The following KAZN variants were observed in gnomAD, a reference collection of about 807,000 sequenced individuals.
KAZN encodes kazrin.
A neutral mutation model predicts 87.4 loss-of-function variants in KAZN; 40 were observed. That is an observed-to-expected ratio of 0.46 (90% CI 0.36 to 0.60). The LOEUF (loss-of-function observed/expected upper bound fraction) is 0.60, where lower values mean the gene tolerates loss of function less well. KAZN is among the 20% of genes least tolerant of loss of function. KAZN has a pLI of 0.00. For missense variants in KAZN, 898 were observed against 1,073.9 expected (o/e 0.84, Z 2.29); for synonymous variants, 466 against 458.3 (o/e 1.02, Z -0.22).
intron 1 of KAZN, among the ~76,000 whole-genome samples, chr1:14,665,291 C>CTTT (rs36089759): frequency 3.4e-5 from 5 of 147,834 alleles, no homozygotes; most frequent in African/African-American, 7.4e-5. Flanking sequence ...GTGGCTGCCT[C>CTTT]TTTTTTTTTT....
At chr1:14,943,053 G>GGA (rs1661318909) in intron 1 of KAZN, among the ~76,000 whole-genome samples, 1 of 117,118 alleles carries the variant, frequency 8.5e-6, no homozygotes, top group African/African-American at 4.3e-5. Flanking sequence ...TGTGTGTGTT[G>GGA]GGGAGGAGAG....
chr1:15,024,513 C>G (rs1241168368), intron 2 of KAZN, among the ~76,000 whole-genome samples: 1 of 152,206 alleles, frequency 6.6e-6, no homozygotes, highest in African/African-American at 2.4e-5. Flanking sequence ...TTGCATGTTC[C>G]AATGATGCTG....
At chr1:14,930,215 G>A (rs572488324) in intron 1 of KAZN, among the ~76,000 whole-genome samples, 40 of 152,252 alleles carry the variant, frequency 2.6e-4, no homozygotes, top group Middle Eastern at 3.4e-3. Context: ...GTAATCTGCC[G>A]GTGCCCGTGG....
Position 14,820,454 on chromosome 1 carries a change from C to T in KAZN, c.227-140230C>T, listed in dbSNP as rs181399828. ...CAAATGGGATGTGTCCCACTGCCCCCGTTTGGTGCCACAGTTGGGTTTATT... is the reference window on the plus strand; with the variant it reads ...CAAATGGGATGTGTCCCACTGCCCCTGTTTGGTGCCACAGTTGGGTTTATT... On this transcript the variant is annotated intron_variant, in intron 1 of 14. Coordinates refer to ENST00000376030, the MANE Select transcript of KAZN (RefSeq NM_201628.3). This position sits in a 1 kb window ranked among gnomAD's most constrained non-coding sequence, Gnocchi z 4.1. Among the ~76,000 whole-genome samples the T allele has an allele frequency of 3.3e-5, 5 of 152,360 alleles. No individual in the cohort carries two copies. Among genetic ancestry groups the T allele is most frequent in the South Asian group, 2.1e-4 (1 of 4,832 alleles).
At chr1:14,753,604 TA>T (rs1256499012) in intron 1 of KAZN, among the ~76,000 whole-genome samples, 1 of 151,716 alleles carries the variant, frequency 6.6e-6, no homozygotes, top group Non-Finnish European at 1.5e-5. Flanking sequence ...TAAAATAAAA[TA>T]AAACACAGGA....
chr1:14,977,214 G>A (rs530405455), intron 2 of KAZN, among the ~76,000 whole-genome samples: 87 of 152,346 alleles, frequency 5.7e-4, no homozygotes, highest in African/African-American at 2.0e-3. Context: ...GACGGTGTCT[G>A]TCTCTGTCCT....
chr1:14,348,447 C>T (rs958245477), intron 2 of KAZN, among the ~76,000 whole-genome samples: 4 of 152,146 alleles, frequency 2.6e-5, no homozygotes, highest in Non-Finnish European at 5.9e-5. Context: ...GAGCCAAAGC[C>T]CTATTTATAA....
chr1:14,551,924 T>C (rs1673548873), intron 2 of KAZN, among the ~76,000 whole-genome samples: 1 of 152,182 alleles, frequency 6.6e-6, no homozygotes, highest in South Asian at 2.1e-4. Flanking sequence ...TCATGTACTC[T>C]TCTCTACTCA....
At chr1:14,581,609 G>C (rs1308776902) in intron 2 of KAZN, among the ~76,000 whole-genome samples, 1 of 152,074 alleles carries the variant, frequency 6.6e-6, no homozygotes, top group Non-Finnish European at 1.5e-5. Context: ...CAGAATAAGA[G>C]CCAAAGTCCC....
At chr1:14,064,831 G>A (rs965676365) in intron 1 of KAZN, among the ~76,000 whole-genome samples, 1 of 152,200 alleles carries the variant, frequency 6.6e-6, no homozygotes, top group African/African-American at 2.4e-5. Flanking sequence ...TGGACATCCT[G>A]AGTCAGTGGA....
chr1:14,957,140 G>T (rs766238519), intron 1 of KAZN, among the ~76,000 whole-genome samples: 1 of 152,170 alleles, frequency 6.6e-6, no homozygotes, highest in Non-Finnish European at 1.5e-5. Context: ...GGCCTGGAAT[G>T]TAGGTGGGCC....
chr1:14,126,845 C>G (rs1644881901), intron 1 of KAZN, among the ~76,000 whole-genome samples: 1 of 152,154 alleles, frequency 6.6e-6, no homozygotes, highest in African/African-American at 2.4e-5. Context: ...GTGGGTCACG[C>G]CTGTAATCCC....
Position 14,150,388 on chromosome 1 carries a change from A to G in KAZN, c.92-30047A>G, listed in dbSNP as rs1049169867. Among the ~76,000 whole-genome samples, 4 of 152,204 alleles carry G rather than the reference A, an allele frequency of 2.6e-5. No homozygotes were observed. In the East Asian group the frequency reaches 5.8e-4, roughly 22 times the overall value. Reference sequence around the variant, plus strand: ...TACCCCTTTATGGTAGAAGGGTTCCAGAAACAGTAAGAGTTGTCTCTGTGT... The same window carrying G: ...TACCCCTTTATGGTAGAAGGGTTCCGGAAACAGTAAGAGTTGTCTCTGTGT... On this transcript the variant is annotated intron_variant, in intron 1 of 16. Transcript: ENST00000636203.
chr1:14,983,736 G>A (rs1185565727), intron 2 of KAZN, among the ~76,000 whole-genome samples: 2 of 152,134 alleles, frequency 1.3e-5, no homozygotes, highest in African/African-American at 4.8e-5. Flanking sequence ...AAGGTCAGGA[G>A]TTTGAGACCA....
intron 2 of KAZN, among the ~76,000 whole-genome samples, chr1:15,000,763 G>A (rs1668382465): frequency 6.6e-6 from 1 of 151,958 alleles, no homozygotes; most frequent in Admixed American, 6.5e-5. Context: ...GGGTGTGCCT[G>A]GCACAGTGCT....
intron 1 of KAZN, among the ~76,000 whole-genome samples, chr1:14,000,884 G>A (rs1430590647): frequency 2.0e-5 from 3 of 151,374 alleles, no homozygotes; most frequent in Admixed American, 6.6e-5. Context: ...CCGGGTTCAC[G>A]CCATTCTCCT....
chr1:13,952,350 A>G (rs1314204153), intron 1 of KAZN, among the ~76,000 whole-genome samples: 1 of 44,446 alleles, frequency 2.2e-5, no homozygotes, highest in African/African-American at 6.1e-5. Flanking sequence ...AATAATAATA[A>G]TAATAATAAT....
chr1:14,185,107 C>T (rs1400858206), intron 2 of KAZN, among the ~76,000 whole-genome samples: 2 of 152,126 alleles, frequency 1.3e-5, no homozygotes, highest in African/African-American at 2.4e-5. Flanking sequence ...CAGAAGGATC[C>T]TGGGCTTAAG....
intron 1 of KAZN, among the ~76,000 whole-genome samples, chr1:14,044,997 C>T (rs1642003282): frequency 6.6e-6 from 1 of 152,030 alleles, no homozygotes. Flanking sequence ...CTATGAGAAC[C>T]CTGAGCCACT....
Sources: gnomAD v4.1 joint callset for allele counts (sites outside exome capture counted in the v4.1 genomes callset) on GRCh38, gnomAD v4.1.1 for gene constraint, Gnocchi (gnomAD v3.1) non-coding constraint, MANE v1.5 for transcripts, NCBI Gene and HGNC (gene_info 2026-07-23, HGNC 2026-07-21) for gene names.